KCNQ1OT1: variants seen among roughly 807,000 people sequenced by gnomAD.
KCNQ1OT1 encodes the protein KCNQ1 antisense RNA 2 (non-protein coding).
Position 2,608,512 on chromosome 11 carries a change from G to T in KCNQ1OT1, n.91483C>A, listed in dbSNP as rs964245510. The T allele has an allele frequency of 2.5e-6, 1 of 398,208 alleles. No individual in the cohort carries two copies. Among genetic ancestry groups the T allele is most frequent in the African/African-American group, 2.1e-5 (1 of 48,518 alleles). The allele number at this position is 398,208 out of a possible 1,614,324, so 24.7% of individuals were successfully genotyped here. On this transcript the variant is annotated non_coding_transcript_exon_variant, in exon 1 of 1. Transcript: ENST00000597346. The surrounding 1 kb of genome is among the most constrained non-coding windows in gnomAD (Gnocchi z 4.6). The stretch of plus-strand genomic sequence containing the variant: ...TTTTTGAGAAACAGAGTCTCTCTCT[G>T]TTGCCCAGGCTGGAATAGAGTGGTG...
chr11:2,662,829 G>C, exon 1 of KCNQ1OT1: 1 of 398,858 alleles, frequency 2.5e-6, no homozygotes, highest in Non-Finnish European at 4.4e-6. Flanking sequence ...GCCCTTCTGA[G>C]GGTCACTTGT....
chr11:2,684,273 T>G, exon 1 of KCNQ1OT1: 1 of 398,178 alleles, frequency 2.5e-6, no homozygotes, highest in Non-Finnish European at 4.4e-6. Flanking sequence ...AAAAGGGGAG[T>G]TGGTTAGGCT....
exon 1 of KCNQ1OT1, chr11:2,618,307 C>T: frequency 2.5e-6 from 1 of 398,372 alleles, no homozygotes; most frequent in Non-Finnish European, 4.4e-6. Flanking sequence ...AGCTGATGGG[C>T]TAAAAAAATG....
chr11:2,685,758 C>G, exon 1 of KCNQ1OT1: 1 of 398,702 alleles, frequency 2.5e-6, no homozygotes, highest in Non-Finnish European at 4.4e-6. Context: ...GGCAGGCATC[C>G]TCCCAGGTGG....
chr11:2,689,474 T>A (rs902488497), exon 1 of KCNQ1OT1: 3 of 398,580 alleles, frequency 7.5e-6, no homozygotes, highest in Admixed American at 4.4e-5. Context: ...CTGCTCTGCC[T>A]ACCTGCATTC....
At chr11:2,681,695 G>C in exon 1 of KCNQ1OT1, 2 of 389,246 alleles carry the variant, frequency 5.1e-6, no homozygotes, top group Admixed American at 9.6e-5. Context: ...GGCTGCCGTT[G>C]CTTCCCATGT....
At chr11:2,625,799 G>T in exon 1 of KCNQ1OT1, 2 of 398,136 alleles carry the variant, frequency 5.0e-6, no homozygotes, top group South Asian at 2.7e-4. Context: ...TCAATCTCCT[G>T]ACTTCATGAT....
Position 2,620,705 on chromosome 11 carries a change from C to T in KCNQ1OT1, n.79290G>A. 1 of 398,464 alleles carries T rather than the reference C, an allele frequency of 2.5e-6. No homozygotes were observed. Among genetic ancestry groups the T allele is most frequent in the Non-Finnish European group, 4.4e-6 (1 of 226,038 alleles). The allele number at this position is 398,464 out of a possible 1,614,324, so 24.7% of individuals were successfully genotyped here. ...ATTTATTTTCCTTTGAATATATATCCAGTAATGGGATTGCTGGGTCAGATG... is the reference window on the plus strand; with the variant it reads ...ATTTATTTTCCTTTGAATATATATCTAGTAATGGGATTGCTGGGTCAGATG... On this transcript the variant is annotated non_coding_transcript_exon_variant, in exon 1 of 1. Transcript: ENST00000597346. This position sits in a 1 kb window ranked among gnomAD's most constrained non-coding sequence, Gnocchi z 4.5.
At chr11:2,681,348 A>G in exon 1 of KCNQ1OT1, 1 of 398,294 alleles carries the variant, frequency 2.5e-6, no homozygotes, top group Non-Finnish European at 4.4e-6. Context: ...TTTTCCTTGT[A>G]GCTCCCTGCT....
In KCNQ1OT1 at chr11:2,676,415, G is replaced by T. The variant is rs542013482; in HGVS notation, n.23580C>A. The T allele has an allele frequency of 1.4e-4, 56 of 398,650 alleles. No homozygotes were observed. Among genetic ancestry groups the T allele is most frequent in the African/African-American group, 1.0e-3 (50 of 48,764 alleles). The allele number at this position is 398,650 out of a possible 1,614,324, so 24.7% of individuals were successfully genotyped here. On this transcript the variant is annotated non_coding_transcript_exon_variant, in exon 1 of 1. Coordinates refer to ENST00000597346, the Ensembl canonical transcript of KCNQ1OT1. This position sits in a 1 kb window ranked among gnomAD's most constrained non-coding sequence, Gnocchi z 4.2. ...TGTTCAGCTAGAGATTTAGCCCAATGGGCTGGGCTTTTCCCAGATAGGACA... is the reference window on the plus strand; with the variant it reads ...TGTTCAGCTAGAGATTTAGCCCAATTGGCTGGGCTTTTCCCAGATAGGACA...
chr11:2,655,580 G>A (rs1849831082), exon 1 of KCNQ1OT1: 1 of 398,568 alleles, frequency 2.5e-6, no homozygotes, highest in Admixed American at 4.4e-5. Flanking sequence ...CTTCAGAGGT[G>A]GGGGTGACAA....
chr11:2,650,694 A>G, exon 1 of KCNQ1OT1: 1 of 398,588 alleles, frequency 2.5e-6, no homozygotes. Flanking sequence ...TTCTGTATGC[A>G]GTTTTGCAGT....
exon 1 of KCNQ1OT1, chr11:2,638,312 C>G (rs568705797): frequency 6.6e-6 from 1 of 152,276 alleles, no homozygotes; most frequent in South Asian, 2.1e-4. Context: ...GTGGCTGGTA[C>G]CAATTGTTCC....
rs1278962998 is a variant in KCNQ1OT1, at chr11:2,670,898, C to T, written n.29097G>A. The stretch of plus-strand genomic sequence containing the variant: ...TGGGAAGCCTCCTGGATTGCCTGGA[C>T]AAGGCTGACCTGCCCTCCCAGGATG... On this transcript the variant is annotated non_coding_transcript_exon_variant, in exon 1 of 1. Transcript: ENST00000597346. This position sits in a 1 kb window ranked among gnomAD's most constrained non-coding sequence, Gnocchi z 4.9. 1 of 398,512 alleles carries T rather than the reference C, an allele frequency of 2.5e-6. No homozygotes were observed. Among genetic ancestry groups the T allele is most frequent in the African/African-American group, 2.1e-5 (1 of 48,630 alleles). 24.7% of individuals were successfully genotyped at this position (398,512 alleles called of 1,614,324 possible).
chr11:2,660,980 A>G (rs1221209770), exon 1 of KCNQ1OT1: 3 of 398,548 alleles, frequency 7.5e-6, no homozygotes, highest in Non-Finnish European at 8.8e-6. Flanking sequence ...GTGGACTATT[A>G]TGTAATGACT....
At position 2,653,063 on chromosome 11, in the gene KCNQ1OT1, A is replaced by G. The variant is rs963447160; in HGVS notation, n.46932T>C. 2.5e-6 allele frequency: 1 copy of G among 398,564 alleles called. No individual in the cohort carries two copies. The highest frequency in any genetic ancestry group is 4.4e-6 in the Non-Finnish European group (1 of 226,098). The allele number at this position is 398,564 out of a possible 1,614,324, so 24.7% of individuals were successfully genotyped here. A position where few individuals can be genotyped will look rare whatever the true frequency, so the allele number is the denominator to read the frequency against. ...AGATCCAACATGTTCCATAATTTGC[A>G]TCAAACATCCTCATACAGCAGGGTG... On this transcript the variant is annotated non_coding_transcript_exon_variant, in exon 1 of 1. Transcript: ENST00000597346. The surrounding 1 kb of genome is among the most constrained non-coding windows in gnomAD (Gnocchi z 5.3).
Position 2,658,069 on chromosome 11 carries a change from G to T in KCNQ1OT1, n.41926C>A. 2.5e-6 allele frequency: 1 copy of T among 398,536 alleles called. No individual in the cohort carries two copies. Among genetic ancestry groups the T allele is most frequent in the East Asian group, 3.6e-5 (1 of 28,072 alleles). The allele number at this position is 398,536 out of a possible 1,614,324, so 24.7% of individuals were successfully genotyped here. ...CTAAGTATAGCCCACACTCAAGGTG[G>T]GGAAGGGAGGGGTTCAACTCTACCT... On this transcript the variant is annotated non_coding_transcript_exon_variant, in exon 1 of 1. Coordinates refer to ENST00000597346, the Ensembl canonical transcript of KCNQ1OT1. This position sits in a 1 kb window ranked among gnomAD's most constrained non-coding sequence, Gnocchi z 4.9.
At position 2,621,621 on chromosome 11, in the gene KCNQ1OT1, T is replaced by C. The variant is rs1849173950; in HGVS notation, n.78374A>G. ...TGATTTAATCTTAGCAGGTTGGTTT[T>C]TTTCTAGGAATTTGTCCATTTCCTC... is the stretch of plus-strand genomic sequence containing the variant. On this transcript the variant is annotated non_coding_transcript_exon_variant, in exon 1 of 1. Transcript: ENST00000597346. The surrounding 1 kb of genome is among the most constrained non-coding windows in gnomAD (Gnocchi z 5.7). The C allele has an allele frequency of 2.5e-6, 1 of 398,372 alleles. No homozygotes were observed. Among genetic ancestry groups the C allele is most frequent in the Non-Finnish European group, 4.4e-6 (1 of 226,010 alleles). 24.7% of individuals were successfully genotyped at this position (398,372 alleles called of 1,614,324 possible). A position where few individuals can be genotyped will look rare whatever the true frequency, so the allele number is the denominator to read the frequency against.
chr11:2,650,951 AC>A, exon 1 of KCNQ1OT1: 1 of 397,238 alleles, frequency 2.5e-6, no homozygotes, highest in Middle Eastern at 6.3e-4. Context: ...TTTTCTTAGT[AC>A]CCCTTTCTAA....
Sources: allele counts gnomAD v4.1 joint callset, GRCh38; gene constraint gnomAD v4.1.1; non-coding constraint Gnocchi (gnomAD v3.1); transcripts MANE v1.5; gene names NCBI Gene and HGNC (gene_info 2026-07-23, HGNC 2026-07-21).